RPH3A: variants seen among roughly 807,000 people sequenced by gnomAD.
RPH3A encodes the protein rabphilin-3A.
RPH3A carries 48 observed loss-of-function variants against 102.2 expected under a neutral mutation model. The observed-to-expected ratio is 0.47, with a 90% CI of 0.37 to 0.60. The LOEUF is 0.60. Ranked by LOEUF, RPH3A falls within the 20% of genes least tolerant of loss-of-function variation. RPH3A has a pLI of 0.00. For synonymous variants in RPH3A, 310 were observed against 324.3 expected (o/e 0.96, Z 0.47); for missense variants, 781 against 910.1 (o/e 0.86, Z 1.83).
chr12:112,698,467 A>G (rs2040368162), intron 1 of RPH3A, among the ~76,000 whole-genome samples: 1 of 152,252 alleles, frequency 6.6e-6, no homozygotes, highest in African/African-American at 2.4e-5. Context: ...GACAAGCCAC[A>G]GACTTAAAGA....
chr12:112,868,439 C>A lies in RPH3A; in HGVS notation c.454C>A (p.Arg152Ser). The change falls in exon 8 of 22, where the codon CGT becomes AGT. Residue 152 changes from arginine to serine, a missense_variant. Around this residue, in one of 2 missense-constraint regions of RPH3A, gnomAD observed 730 missense variants for 810.0 expected, o/e 0.90. Coordinates refer to ENST00000389385, the MANE Select transcript of RPH3A (RefSeq NM_001143854.2). ...ICIEQREVWK[R>S]SGAWFFKGFP... ...GTCTCTCCTCCCCAAGGTGTGGAAG[C>A]GTTCTGGAGCGTGGTTCTTCAAAGG... The A allele has an allele frequency of 6.2e-7, 1 of 1,613,840 alleles. No homozygotes were observed. The highest frequency in any genetic ancestry group is 8.5e-7 in the Non-Finnish European group (1 of 1,179,830).
At chr12:112,811,911 G>T (rs2041583136) in intron 2 of RPH3A, among the ~76,000 whole-genome samples, 2 of 152,118 alleles carry the variant, frequency 1.3e-5, no homozygotes, top group South Asian at 4.1e-4. Context: ...GGATCCAGAG[G>T]CTCAACAATA....
At chr12:112,613,502 G>A (rs370092589) in intron 1 of RPH3A, among the ~76,000 whole-genome samples, 25 of 152,308 alleles carry the variant, frequency 1.6e-4, no homozygotes, top group African/African-American at 5.8e-4. Flanking sequence ...TCCAGCAAAA[G>A]GGACTTTGCA....
At chr12:112,859,034 G>C (rs2042463746) in intron 5 of RPH3A, among the ~76,000 whole-genome samples, 1 of 152,168 alleles carries the variant, frequency 6.6e-6, no homozygotes, top group African/African-American at 2.4e-5. Flanking sequence ...CCACTTACAG[G>C]GTTCAGCTAA....
chr12:112,599,444 T>C (rs564149505), intron 1 of RPH3A, among the ~76,000 whole-genome samples: 180 of 152,330 alleles, frequency 1.2e-3, no homozygotes, highest in African/African-American at 4.1e-3. Context: ...ATATTTTATG[T>C]GGTTACATTT....
intron 1 of RPH3A, among the ~76,000 whole-genome samples, chr12:112,761,073 G>A (rs2040851817): frequency 6.6e-6 from 1 of 152,120 alleles, no homozygotes; most frequent in Non-Finnish European, 1.5e-5. Context: ...ATAGTCTGGA[G>A]GAAGGTATGA....
intron 1 of RPH3A, among the ~76,000 whole-genome samples, chr12:112,772,686 GC>G (rs2040935032): frequency 6.6e-6 from 1 of 151,856 alleles, no homozygotes; most frequent in Non-Finnish European, 1.5e-5. Context: ...GTCATTTGGG[GC>G]ATCATTCTCT....
chr12:112,738,225 C>T (rs779084796), intron 1 of RPH3A, among the ~76,000 whole-genome samples: 1 of 151,436 alleles, frequency 6.6e-6, no homozygotes, highest in African/African-American at 2.4e-5. Context: ...CAGGGTCTCA[C>T]TCTGTCACCC....
chr12:112,745,825 G>T (rs1048334256), intron 1 of RPH3A, among the ~76,000 whole-genome samples: 1 of 152,152 alleles, frequency 6.6e-6, no homozygotes, highest in East Asian at 1.9e-4. Context: ...CAGCAGTGGG[G>T]TGCACCACAG....
intron 1 of RPH3A, chr12:112,695,326 C>G (rs1592948518): frequency 6.1e-6 from 1 of 163,228 alleles, no homozygotes; most frequent in African/African-American, 2.4e-5. Context: ...CATTTTGGAA[C>G]TTCATTTGGA....
At chr12:112,613,748 G>A (rs552869121) in intron 1 of RPH3A, among the ~76,000 whole-genome samples, 7 of 152,256 alleles carry the variant, frequency 4.6e-5, no homozygotes, top group South Asian at 4.2e-4. Context: ...ATGAGTTCAA[G>A]ACCAGGCTGG....
At chr12:112,838,499 TA>T (rs2042091434) in intron 4 of RPH3A, among the ~76,000 whole-genome samples, 1 of 152,164 alleles carries the variant, frequency 6.6e-6, no homozygotes, top group African/African-American at 2.4e-5. Flanking sequence ...CAGGATTCAT[TA>T]AAATCCCATT....
intron 1 of RPH3A, among the ~76,000 whole-genome samples, chr12:112,575,619 G>A (rs1020140911): frequency 9.9e-5 from 15 of 151,762 alleles, no homozygotes; most frequent in East Asian, 3.9e-4. Flanking sequence ...AGGTGGTCGC[G>A]GGGTGGCTGC....
chr12:112,751,208 C>T (rs536593800), intron 1 of RPH3A, among the ~76,000 whole-genome samples: 3 of 152,214 alleles, frequency 2.0e-5, no homozygotes, highest in South Asian at 2.1e-4. Flanking sequence ...TCAGCTTGGG[C>T]GAGGGAGGTG....
intron 1 of RPH3A, among the ~76,000 whole-genome samples, chr12:112,596,028 A>T (rs1319307963): frequency 6.6e-6 from 1 of 152,226 alleles, no homozygotes; most frequent in African/African-American, 2.4e-5. Flanking sequence ...CTCAGCCACC[A>T]TTAAAACAGT....
rs117983805 is a variant in RPH3A, at chr12:112,600,536, G to A, written c.-140+25217G>A. ...TCTCTGAGCCACTGTTTCCTCAACC[G>A]TAAAATGGGACACTATTAGCTACTC... is the stretch of plus-strand genomic sequence containing the variant. On this transcript the variant is annotated intron_variant, in intron 1 of 21. Transcript: ENST00000543106. Among the ~76,000 whole-genome samples the A allele has an allele frequency of 2.1e-3, 324 of 152,226 alleles. 1 individual carries two copies. The highest frequency in any genetic ancestry group is 1.5e-3 in the Non-Finnish European group (102 of 68,024).
intron 1 of RPH3A, among the ~76,000 whole-genome samples, chr12:112,758,917 AG>A (rs1334148848): frequency 1.3e-5 from 2 of 152,226 alleles, no homozygotes; most frequent in African/African-American, 4.8e-5. Flanking sequence ...CCAGGAGGAC[AG>A]AAATATGGCG....
chr12:112,750,181 C>G (rs1169478769), intron 1 of RPH3A, among the ~76,000 whole-genome samples: 1 of 152,166 alleles, frequency 6.6e-6, no homozygotes, highest in Non-Finnish European at 1.5e-5. Context: ...TGTGCCTAAA[C>G]TAGACAAAGG....
chr12:112,821,090 G>T (rs922673814), intron 2 of RPH3A, among the ~76,000 whole-genome samples: 1 of 152,170 alleles, frequency 6.6e-6, no homozygotes, highest in Admixed American at 6.5e-5. Context: ...CCGTCTGGAC[G>T]GGACTGGATG....
Sources: gnomAD v4.1 joint callset for allele counts (sites outside exome capture counted in the v4.1 genomes callset) on GRCh38, gnomAD v4.1.1 for gene constraint, gnomAD v4.1.1 regional missense constraint, MANE v1.5 for transcripts, NCBI Gene and HGNC (gene_info 2026-07-23, HGNC 2026-07-21) for gene names.